Variants in ATG10 observed in about 807,000 individuals in gnomAD.
The protein encoded by ATG10 is autophagy related 10.
In ATG10, 30 loss-of-function variants were observed where a neutral mutation model predicts 32.1. That is an observed-to-expected ratio of 0.94 (90% CI 0.70 to 1.27). The LOEUF is 1.27. Among genes scored for constraint, ATG10 ranks in the 50% most tolerant of loss-of-function variants. The pLI is 0.00. For missense variants in ATG10, 233 were observed against 262.3 expected (o/e 0.89, Z 0.77); for synonymous variants, 87 against 91.5 (o/e 0.95, Z 0.28).
chr5:82,008,658 T>C (rs999510285), intron 2 of ATG10, among the ~76,000 whole-genome samples: 120 of 152,314 alleles, frequency 7.9e-4, no homozygotes, highest in African/African-American at 2.8e-3. Flanking sequence ...TTAGTTCAGC[T>C]GTATTTCAAA....
chr5:82,150,988 C>A (rs910843564), intron 3 of ATG10, among the ~76,000 whole-genome samples: 7 of 152,104 alleles, frequency 4.6e-5, no homozygotes, highest in Admixed American at 4.6e-4. Context: ...AGAGCAAGGC[C>A]ATGAAAAGCA....
At chr5:82,159,882 G>T (rs1451127856) in intron 3 of ATG10, among the ~76,000 whole-genome samples, 1 of 152,044 alleles carries the variant, frequency 6.6e-6, no homozygotes, top group Admixed American at 6.6e-5. Context: ...GATAACCATA[G>T]GTTCACATTT....
chr5:82,082,118 G>A (rs1764503203), intron 3 of ATG10, among the ~76,000 whole-genome samples: 1 of 152,134 alleles, frequency 6.6e-6, no homozygotes, highest in African/African-American at 2.4e-5. Context: ...ATGACACATG[G>A]GAATTGTGGG....
intron 3 of ATG10, among the ~76,000 whole-genome samples, chr5:82,079,190 A>T (rs1299716814): frequency 6.6e-6 from 1 of 152,090 alleles, no homozygotes; most frequent in Non-Finnish European, 1.5e-5. Flanking sequence ...GTATTAGTCC[A>T]TTTTCATGCT....
chr5:82,068,922 A>AT (rs1333298656), intron 3 of ATG10, among the ~76,000 whole-genome samples: 1,745 of 143,954 alleles, frequency 0.012, 17 homozygotes, highest in Middle Eastern at 0.029. Flanking sequence ...TGCCCCTTTG[A>AT]TTTTTTTTTT....
chr5:82,252,205 A>G (rs1177213528), intron 5 of ATG10, among the ~76,000 whole-genome samples: 1 of 152,232 alleles, frequency 6.6e-6, no homozygotes, highest in Non-Finnish European at 1.5e-5. Flanking sequence ...TTGTCAAACT[A>G]CTGAGCTTTG....
At chr5:82,139,644 A>C (rs77881842) in intron 3 of ATG10, among the ~76,000 whole-genome samples, 1 of 128,508 alleles carries the variant, frequency 7.8e-6, no homozygotes, top group African/African-American at 3.1e-5. Context: ...GTCTCCGCCC[A>C]GCAGCCACCC....
In ATG10 at chr5:82,196,831, C is replaced by T. The variant is rs527537390; in HGVS notation, c.453+18244C>T. Reference sequence around the variant, plus strand: ...TTTTTGAAATTGGGAAACGTAAGCCCACCAACTTTGTTCTTCTTTTTGAAG... The same window carrying T: ...TTTTTGAAATTGGGAAACGTAAGCCTACCAACTTTGTTCTTCTTTTTGAAG... On this transcript the variant is annotated intron_variant, in intron 5 of 7. Coordinates refer to ENST00000282185, the MANE Select transcript of ATG10 (RefSeq NM_031482.5). 5.3e-5 allele frequency among the ~76,000 whole-genome samples: 8 copies of T among 152,288 alleles called. No individual in the cohort carries two copies. The South Asian group carries it at 1.7e-3, about 32-fold the overall frequency.
At chr5:82,182,888 T>C (rs1234563169) in intron 5 of ATG10, among the ~76,000 whole-genome samples, 2 of 152,072 alleles carry the variant, frequency 1.3e-5, no homozygotes, top group African/African-American at 4.8e-5. Flanking sequence ...ATATGAGATA[T>C]CCTTTTGTGT....
intron 3 of ATG10, among the ~76,000 whole-genome samples, chr5:82,088,406 T>G (rs1373170207): frequency 6.6e-6 from 1 of 152,072 alleles, no homozygotes; most frequent in Non-Finnish European, 1.5e-5. Flanking sequence ...AAAATTGCAA[T>G]TAGACTGACA....
intron 5 of ATG10, among the ~76,000 whole-genome samples, chr5:82,244,365 G>A (rs1162356029): frequency 2.0e-5 from 3 of 152,106 alleles, no homozygotes; most frequent in African/African-American, 7.2e-5. Context: ...GAGGTGCTCT[G>A]CCCCTCACTA....
At chr5:81,976,040 G>A (rs193301660) in intron 1 of ATG10, among the ~76,000 whole-genome samples, 27 of 147,556 alleles carry the variant, frequency 1.8e-4, no homozygotes, top group Admixed American at 1.4e-3. Context: ...TCACTCTGTC[G>A]CCCAGGCTGG....
At chr5:82,048,140 G>A (rs1231690767) in intron 2 of ATG10, among the ~76,000 whole-genome samples, 1 of 136,012 alleles carries the variant, frequency 7.4e-6, no homozygotes, top group Non-Finnish European at 1.6e-5. Context: ...ATAGTTTGAA[G>A]TCAGGTAGTG....
intron 5 of ATG10, among the ~76,000 whole-genome samples, chr5:82,235,770 T>C (rs1249021627): frequency 6.6e-6 from 1 of 152,198 alleles, no homozygotes; most frequent in Non-Finnish European, 1.5e-5. Flanking sequence ...ACTTGGAACA[T>C]AACAAGGCTT....
At chr5:82,123,928 CCT>C (rs759170722) in intron 3 of ATG10, among the ~76,000 whole-genome samples, 1 of 151,764 alleles carries the variant, frequency 6.6e-6, no homozygotes, top group Non-Finnish European at 1.5e-5. Flanking sequence ...AGAGCAAGAC[CCT>C]GTTTCAAAAC....
intron 2 of ATG10, among the ~76,000 whole-genome samples, chr5:82,023,252 A>C (rs146636384): frequency 6.6e-6 from 1 of 152,102 alleles, no homozygotes; most frequent in East Asian, 1.9e-4. Context: ...GAGATACTAG[A>C]TTATAGTAGC....
At chr5:82,180,393 A>C (rs1744186062) in intron 5 of ATG10, among the ~76,000 whole-genome samples, 1 of 152,188 alleles carries the variant, frequency 6.6e-6, no homozygotes, top group African/African-American at 2.4e-5. Flanking sequence ...CAACTCACAA[A>C]AATTGCCCCT....
intron 5 of ATG10, among the ~76,000 whole-genome samples, chr5:82,223,508 G>A (rs1303670809): frequency 1.3e-5 from 2 of 152,084 alleles, no homozygotes; most frequent in East Asian, 3.9e-4. Flanking sequence ...CATCATCTTG[G>A]TGGCATCATC....
chr5:82,038,043 G>A (rs1172089321), intron 2 of ATG10, among the ~76,000 whole-genome samples: 1 of 152,140 alleles, frequency 6.6e-6, no homozygotes, highest in Non-Finnish European at 1.5e-5. Context: ...GCTAACCTAA[G>A]TAACAACAGT....
Sources: allele counts gnomAD v4.1 joint callset (sites outside exome capture counted in the v4.1 genomes callset), GRCh38; gene constraint gnomAD v4.1.1; transcripts MANE v1.5; gene names NCBI Gene and HGNC (gene_info 2026-07-23, HGNC 2026-07-21).